ADAM10: variants seen among roughly 807,000 people sequenced by gnomAD.
The protein encoded by ADAM10 is ADAM metallopeptidase domain 10.
Under a neutral mutation model 90.1 loss-of-function variants are expected in ADAM10, and 17 were observed. The ratio of observed to expected loss-of-function variants is 0.19; its 90% CI spans 0.13 to 0.28. ADAM10 has a LOEUF of 0.28. Ranked by LOEUF, ADAM10 falls within the 10% of genes least tolerant of loss-of-function variation. The pLI is 1.00. For synonymous variants in ADAM10, 310 were observed against 298.6 expected, an observed-to-expected ratio of 1.04 and a Z score of -0.40; for missense variants, 610 against 914.3, an observed-to-expected ratio of 0.67 and a Z score of 4.29.
chr15:58,648,468 G>A (rs12102264), intron 5 of ADAM10, among the ~76,000 whole-genome samples: 11,393 of 152,102 alleles, frequency 0.075, 1,231 homozygotes, highest in African/African-American at 0.24. Context: ...GAAGTTTTAT[G>A]TGTGAAAGAT....
chr15:58,636,835 G>A (rs1896269063), intron 8 of ADAM10, among the ~76,000 whole-genome samples: 1 of 152,128 alleles, frequency 6.6e-6, no homozygotes, highest in Non-Finnish European at 1.5e-5. Flanking sequence ...GTAGCATGCT[G>A]ATCATACAAT....
chr15:58,634,288 T>A (rs940295359), intron 8 of ADAM10, among the ~76,000 whole-genome samples: 5 of 147,714 alleles, frequency 3.4e-5, no homozygotes, highest in Non-Finnish European at 7.4e-5. Context: ...GGCGACACAG[T>A]GACACTCTGT....
At chr15:58,722,159 G>A (rs1898876391) in intron 1 of ADAM10, among the ~76,000 whole-genome samples, 1 of 151,942 alleles carries the variant, frequency 6.6e-6, no homozygotes, top group Admixed American at 6.6e-5. Context: ...GGCCAACATG[G>A]TGAAACCCCC....
intron 2 of ADAM10, among the ~76,000 whole-genome samples, chr15:58,697,497 G>A (rs964109036): frequency 6.6e-6 from 1 of 152,088 alleles, no homozygotes; most frequent in Non-Finnish European, 1.5e-5. Context: ...TCTCCTAGGG[G>A]CCTGAGATTT....
rs568028578 is a variant in ADAM10 at position 58,622,406 on chromosome 15, G to A, written c.1361-785C>T. On this transcript the variant is annotated intron_variant, in intron 10 of 15. Coordinates refer to ENST00000260408, the MANE Select transcript of ADAM10 (RefSeq NM_001110.4). ...ACTCCTCCCCTCATGGTTGCTTTTT[G>A]ACAGGTCTCTTATGTTCTTTTAACG... Among the ~76,000 whole-genome samples, 8 of 152,194 alleles carry A rather than the reference G, an allele frequency of 5.3e-5. No individual in the cohort carries two copies. In the South Asian group the frequency reaches 1.7e-3, roughly 32 times the overall value.
Position 58,727,225 on chromosome 15 carries a change from TCGTTGCCCAGG to T in ADAM10, c.56-9509_56-9499del, listed in dbSNP as rs1401407059. On this transcript the variant is annotated intron_variant, in intron 1 of 15. Coordinates refer to ENST00000260408, the MANE Select transcript of ADAM10 (RefSeq NM_001110.4). Reference sequence around the variant, plus strand: ...TTTTTTCCCAAAAACAGCGTTTCGCTCGTTGCCCAGGCCGTAGCGCAACGGCGCAATCTCGG... The same window carrying T: ...TTTTTTCCCAAAAACAGCGTTTCGCTCCGTAGCGCAACGGCGCAATCTCGG... Among the ~76,000 whole-genome samples the T allele has an allele frequency of 3.5e-4, 47 of 134,436 alleles. 1 individual carries two copies. Among genetic ancestry groups the T allele is most frequent in the African/African-American group, 1.1e-3 (42 of 36,526 alleles). The allele number at this position is 134,436 out of a possible 152,430, so 88.2% of individuals were successfully genotyped here. A position where few individuals can be genotyped will look rare whatever the true frequency, so the allele number is the denominator to read the frequency against.
chr15:58,676,158 C>A, intron 4 of ADAM10: 1 of 373,504 alleles, frequency 2.7e-6, no homozygotes, highest in Non-Finnish European at 5.2e-6. Flanking sequence ...TCAGAAAAGC[C>A]CCAGAAATCC....
At chr15:58,680,517 A>G (rs1280545827) in intron 3 of ADAM10, among the ~76,000 whole-genome samples, 3 of 152,242 alleles carry the variant, frequency 2.0e-5, no homozygotes, top group Middle Eastern at 3.2e-3. Context: ...TTGGACAAAG[A>G]TTTGTAATAC....
In ADAM10 at chr15:58,610,727, T is replaced by A. The variant is rs137964613; in HGVS notation, c.1805-210A>T. 4.9e-4 allele frequency: 324 copies of A among 660,534 alleles called. 1 individual carries two copies. The African/African-American group carries it at 4.9e-3, about 10-fold the overall frequency. The allele number at this position is 660,534 out of a possible 1,614,324, so 40.9% of individuals were successfully genotyped here. On this transcript the variant is annotated intron_variant, in intron 13 of 15. Coordinates refer to ENST00000260408, the MANE Select transcript of ADAM10 (RefSeq NM_001110.4). ...AAACAAGCAACCAGCAAGTCTTGAC[T>A]CAGTGTCCACGATGACTTAAAGTCT...
In ADAM10 at chr15:58,607,611, T is replaced by G. The variant is rs1895313850; in HGVS notation, c.2025+2686A>C. Reference sequence around the variant, plus strand: ...ACCAGATACTTACTACTTAGATGCATAAAATTATAGCAAAATATGACAGCA... The same window carrying G: ...ACCAGATACTTACTACTTAGATGCAGAAAATTATAGCAAAATATGACAGCA... On this transcript the variant is annotated intron_variant, in intron 14 of 15. Transcript: ENST00000260408. 2.0e-5 allele frequency among the ~76,000 whole-genome samples: 3 copies of G among 152,208 alleles called. No individual in the cohort carries two copies. The South Asian group carries it at 6.2e-4, about 31-fold the overall frequency.
chr15:58,657,264 C>T (rs1896850258), intron 5 of ADAM10, among the ~76,000 whole-genome samples: 1 of 152,158 alleles, frequency 6.6e-6, no homozygotes, highest in African/African-American at 2.4e-5. Flanking sequence ...GGTATTATCA[C>T]TTTGAATAAA....
chr15:58,623,065 ACATACATCTCAACACAGGAACC>A (rs1210318775), intron 10 of ADAM10, among the ~76,000 whole-genome samples: 5 of 152,194 alleles, frequency 3.3e-5, no homozygotes, highest in African/African-American at 7.2e-5. Context: ...AGAAGGGAAC[ACATACATCTCAACACAGGAACC>A]CATACATCTC....
chr15:58,601,410 G>A (rs572252760), intron 14 of ADAM10, among the ~76,000 whole-genome samples: 70 of 152,204 alleles, frequency 4.6e-4, no homozygotes, highest in East Asian at 2.5e-3. Context: ...ACAGTGAGCC[G>A]AGATTGTGCC....
At chr15:58,625,613 A>G (rs1469224479) in intron 10 of ADAM10, among the ~76,000 whole-genome samples, 1 of 152,244 alleles carries the variant, frequency 6.6e-6, no homozygotes, top group Non-Finnish European at 1.5e-5. Context: ...GTACAAAGCA[A>G]AACAAGCAAT....
intron 4 of ADAM10, among the ~76,000 whole-genome samples, chr15:58,670,389 T>C (rs1897166707): frequency 6.6e-6 from 1 of 152,078 alleles, no homozygotes; most frequent in Non-Finnish European, 1.5e-5. Context: ...TTCTAGGAAA[T>C]TAATCTTAAG....
At chr15:58,705,338 T>C (rs1898247638) in intron 2 of ADAM10, among the ~76,000 whole-genome samples, 1 of 152,230 alleles carries the variant, frequency 6.6e-6, no homozygotes, top group Non-Finnish European at 1.5e-5. Flanking sequence ...TCAGTAAGTA[T>C]TATGTTTCTC....
chr15:58,634,818 T>TA (rs1475204432), intron 8 of ADAM10, among the ~76,000 whole-genome samples: 7 of 152,050 alleles, frequency 4.6e-5, no homozygotes, highest in South Asian at 2.1e-4. Context: ...CTAAACCATT[T>TA]AAAAAAAGTC....
chr15:58,644,280 A>T (rs1368742624), intron 6 of ADAM10, among the ~76,000 whole-genome samples: 1 of 146,238 alleles, frequency 6.8e-6, no homozygotes, highest in Non-Finnish European at 1.5e-5. Flanking sequence ...CCCACGCTGG[A>T]GTGCAGTGTT....
chr15:58,612,972 C>T (rs1040399412), intron 11 of ADAM10, among the ~76,000 whole-genome samples: 17 of 152,176 alleles, frequency 1.1e-4, no homozygotes, highest in South Asian at 6.2e-4. Context: ...TCTACGCATC[C>T]GCAACTGGAA....
Sources: allele counts gnomAD v4.1 joint callset (sites outside exome capture counted in the v4.1 genomes callset), GRCh38; gene constraint gnomAD v4.1.1; transcripts MANE v1.5; gene names NCBI Gene and HGNC (gene_info 2026-07-23, HGNC 2026-07-21).